The following ESRRG variants were observed in gnomAD, a reference collection of about 807,000 sequenced individuals.
The protein encoded by ESRRG is estrogen related receptor gamma.
ESRRG carries 13 observed loss-of-function variants against 44.0 expected under a neutral mutation model. The ratio of observed to expected loss-of-function variants is 0.30; its 90% CI spans 0.19 to 0.47. The LOEUF (loss-of-function observed/expected upper bound fraction) is 0.47. Ranked by LOEUF, ESRRG falls within the 20% of genes least tolerant of loss-of-function variation. ESRRG has a pLI of 1.00. For synonymous variants in ESRRG, 215 were observed against 214.6 expected (o/e 1.00, Z -0.02); for missense variants, 395 against 580.6 (o/e 0.68, Z 3.29).
chr1:217,073,630 C>T (rs2090889595), intron 1 of ESRRG, among the ~76,000 whole-genome samples: 1 of 152,064 alleles, frequency 6.6e-6, no homozygotes, highest in African/African-American at 2.4e-5. Flanking sequence ...GGTCTCCTGT[C>T]CCTCTTTTTT....
At chr1:216,733,026 A>T (rs2089179307) in intron 2 of ESRRG, among the ~76,000 whole-genome samples, 1 of 151,328 alleles carries the variant, frequency 6.6e-6, no homozygotes, top group Non-Finnish European at 1.5e-5. Flanking sequence ...CTTAAAGAGG[A>T]GCAAAATCAT....
At chr1:216,979,949 C>T (rs1242488159) in intron 1 of ESRRG, among the ~76,000 whole-genome samples, 1 of 152,064 alleles carries the variant, frequency 6.6e-6, no homozygotes, top group African/African-American at 2.4e-5. Context: ...TCAAATGATG[C>T]AATATTTAAA....
At chr1:216,632,320 T>C (rs1014637916) in intron 3 of ESRRG, among the ~76,000 whole-genome samples, 10 of 152,222 alleles carry the variant, frequency 6.6e-5, no homozygotes, top group African/African-American at 2.2e-4. Context: ...TAGGTGATGA[T>C]AGCATTTGTG....
At chr1:216,620,885 T>C (rs963175876) in intron 3 of ESRRG, among the ~76,000 whole-genome samples, 7 of 152,194 alleles carry the variant, frequency 4.6e-5, no homozygotes, top group African/African-American at 1.7e-4. Flanking sequence ...GTATTTTGAA[T>C]GATATAGAAA....
intron 1 of ESRRG, chr1:217,078,123 C>G (rs1338339518): frequency 6.6e-6 from 1 of 152,198 alleles, no homozygotes; most frequent in African/African-American, 2.4e-5. Context: ...CTGCCTAAAT[C>G]ATACATACTT....
chr1:216,890,428 G>C (rs1266271158), intron 2 of ESRRG, among the ~76,000 whole-genome samples: 1 of 152,122 alleles, frequency 6.6e-6, no homozygotes, highest in African/African-American at 2.4e-5. Flanking sequence ...ACAGCCACAA[G>C]CTATGAGCTG....
intron 1 of ESRRG, among the ~76,000 whole-genome samples, chr1:217,074,452 C>CA (rs10656995): frequency 0.045 from 6,207 of 138,518 alleles, 142 homozygotes; most frequent in East Asian, 0.053. Flanking sequence ...CCACCCCCCC[C>CA]AAAAAAAAAA....
chr1:216,697,059 G>A lies in ESRRG; in HGVS notation c.57-19568C>T, dbSNP rs56818565. Among the ~76,000 whole-genome samples, 1,470 of 151,550 alleles carry A rather than the reference G, an allele frequency of 9.7e-3. 19 individuals carry two copies. The highest frequency in any genetic ancestry group is 0.033 in the African/African-American group (1,372 of 41,284). On this transcript the variant is annotated intron_variant, in intron 1 of 6. Transcript: ENST00000408911. ...TGGCTCACTGCAACATCCACCTCCCGGGTTCAAGTGATTCTCATGCCTCAG... is the reference window on the plus strand; with the variant it reads ...TGGCTCACTGCAACATCCACCTCCCAGGTTCAAGTGATTCTCATGCCTCAG...
chr1:216,772,531 C>A (rs1576377201), intron 2 of ESRRG, among the ~76,000 whole-genome samples: 1 of 152,104 alleles, frequency 6.6e-6, no homozygotes, highest in Non-Finnish European at 1.5e-5. Flanking sequence ...ACTGATGTAC[C>A]TAAGCTGCTT....
chr1:216,930,886 C>A (rs1485180931), intron 2 of ESRRG, among the ~76,000 whole-genome samples: 1 of 152,144 alleles, frequency 6.6e-6, no homozygotes, highest in Non-Finnish European at 1.5e-5. Flanking sequence ...GTAGAACACA[C>A]AAGGTTCCAC....
chr1:216,681,211 T>G (rs1262701107), intron 1 of ESRRG, among the ~76,000 whole-genome samples: 1 of 152,150 alleles, frequency 6.6e-6, no homozygotes, highest in East Asian at 1.9e-4. Flanking sequence ...CCAAAACCTC[T>G]GAATGAACCC....
chr1:216,980,594 A>T (rs1165686046), intron 1 of ESRRG, among the ~76,000 whole-genome samples: 4 of 152,138 alleles, frequency 2.6e-5, no homozygotes, highest in Non-Finnish European at 5.9e-5. Flanking sequence ...TATCTCATCC[A>T]GGATCACTGC....
At chr1:217,036,841 G>GA (rs11387798) in intron 1 of ESRRG, among the ~76,000 whole-genome samples, 79,544 of 148,846 alleles carry the variant, frequency 0.53, 21,768 homozygotes, top group Middle Eastern at 0.64. Flanking sequence ...AGAAAGAAAA[G>GA]AAAAAAAAAA....
chr1:216,915,575 AAAAC>A (rs113085137), intron 2 of ESRRG, among the ~76,000 whole-genome samples: 249 of 152,058 alleles, frequency 1.6e-3, no homozygotes, highest in Non-Finnish European at 2.5e-3. Flanking sequence ...CAAGATAGCT[AAAAC>A]AAACAAACAA....
intron 1 of ESRRG, among the ~76,000 whole-genome samples, chr1:216,970,158 G>GAA (rs1165794735): frequency 6.6e-6 from 1 of 152,078 alleles, no homozygotes; most frequent in East Asian, 1.9e-4. Flanking sequence ...AAAATGCTAA[G>GAA]AATCACCCAT....
intron 1 of ESRRG, among the ~76,000 whole-genome samples, chr1:217,071,738 T>C (rs1403197222): frequency 2.0e-5 from 3 of 152,186 alleles, no homozygotes; most frequent in African/African-American, 7.2e-5. Context: ...GACATTTTCT[T>C]GGTAATCTAC....
At chr1:216,927,179 T>A (rs1163262899) in intron 2 of ESRRG, among the ~76,000 whole-genome samples, 1 of 152,208 alleles carries the variant, frequency 6.6e-6, no homozygotes, top group Non-Finnish European at 1.5e-5. Context: ...CCTCTCTTTC[T>A]AAGTACATGA....
chr1:216,679,004 A>G (rs1445369284), intron 1 of ESRRG, among the ~76,000 whole-genome samples: 2 of 152,238 alleles, frequency 1.3e-5, no homozygotes, highest in African/African-American at 4.8e-5. Flanking sequence ...CTGTTCCAAG[A>G]AGGCGGTCTC....
chr1:216,638,931 G>A (rs1050205563), intron 3 of ESRRG, among the ~76,000 whole-genome samples: 2 of 152,182 alleles, frequency 1.3e-5, no homozygotes, highest in Non-Finnish European at 2.9e-5. Context: ...TATTTACACA[G>A]ATCAAACCAT....
Sources: allele counts gnomAD v4.1 joint callset (sites outside exome capture counted in the v4.1 genomes callset), GRCh38; gene constraint gnomAD v4.1.1; transcripts MANE v1.5; gene names NCBI Gene and HGNC (gene_info 2026-07-23, HGNC 2026-07-21).